TEKTL1: variants seen among roughly 807,000 people sequenced by gnomAD.
TEKTL1 encodes the protein tektin like 1.
chr19:15,012,636 G>C, the TEKTL1 span, among the ~76,000 whole-genome samples: 2 of 151,932 alleles, frequency 1.3e-5, no homozygotes, highest in African/African-American at 4.8e-5. Flanking sequence ...AGTGAGCCCT[G>C]CCCAAGGAGA....
At chr19:15,020,679 G>T in the TEKTL1 span, 4 of 1,590,708 alleles carry the variant, frequency 2.5e-6, no homozygotes, top group African/African-American at 4.0e-5. Context: ...CACTGTACTG[G>T]GTCGTATTGG....
chr19:15,017,519 G>A, the TEKTL1 span, among the ~76,000 whole-genome samples: 5 of 152,090 alleles, frequency 3.3e-5, no homozygotes, highest in African/African-American at 9.7e-5. Context: ...TGGTGGGAGG[G>A]GGGAACTCAG....
chr19:15,017,715 G>T, the TEKTL1 span, among the ~76,000 whole-genome samples: 3 of 152,084 alleles, frequency 2.0e-5, no homozygotes, highest in Non-Finnish European at 4.4e-5. Context: ...TTTTCTCAGG[G>T]TGCCAGAACA....
At chr19:15,011,757 T>C in the TEKTL1 span, among the ~76,000 whole-genome samples, 60 of 148,730 alleles carry the variant, frequency 4.0e-4, no homozygotes, top group African/African-American at 1.4e-3. Context: ...AAAAAATATT[T>C]CCATAGAGAG....
the TEKTL1 span, among the ~76,000 whole-genome samples, chr19:15,021,054 A>T: frequency 6.6e-6 from 1 of 151,620 alleles, no homozygotes; most frequent in Non-Finnish European, 1.5e-5. Context: ...TAATTTTTGT[A>T]TTTTTAGTAG....
the TEKTL1 span, among the ~76,000 whole-genome samples, chr19:15,018,896 T>C: frequency 6.6e-6 from 1 of 151,154 alleles, no homozygotes; most frequent in Non-Finnish European, 1.5e-5. Context: ...CACCACCAAC[T>C]CATCCATGTG....
chr19:15,013,647 G>A, the TEKTL1 span: 1 of 1,551,382 alleles, frequency 6.4e-7, no homozygotes, highest in Non-Finnish European at 8.9e-7. Context: ...TTAACGATGT[G>A]AGGGATTCTC....
chr19:15,018,733 A>ATATATATATATATATATATATATATCT, the TEKTL1 span, among the ~76,000 whole-genome samples: 1 of 39,116 alleles, frequency 2.6e-5, no homozygotes, highest in African/African-American at 8.2e-5. Flanking sequence ...TATATATATA[A>ATATATATATATATATATATATATATCT]CTTCCCTGGA....
At chr19:15,020,081 G>A in the TEKTL1 span, among the ~76,000 whole-genome samples, 2 of 151,344 alleles carry the variant, frequency 1.3e-5, no homozygotes, top group East Asian at 3.9e-4. Flanking sequence ...GTCAAAGGAG[G>A]AGGATAGCTT....
At chr19:15,011,142 A>ACGCCCGCCTGCCG in the TEKTL1 span, 6 of 1,518,358 alleles carry the variant, frequency 4.0e-6, no homozygotes, top group Non-Finnish European at 5.3e-6. Context: ...CCCGCCTGGT[A>ACGCCCGCCTGCCG]CGCCCGCCTG....
chr19:15,017,679 A>G, the TEKTL1 span, among the ~76,000 whole-genome samples: 6 of 152,260 alleles, frequency 3.9e-5, no homozygotes, highest in African/African-American at 1.4e-4. Flanking sequence ...TCCATGTTAC[A>G]GTGGGGAAAT....
the TEKTL1 span, chr19:15,022,724 T>TTG: frequency 2.6e-6 from 2 of 783,482 alleles, 1 homozygote; most frequent in Non-Finnish European, 3.8e-6. Context: ...CTGTCGCGGT[T>TTG]TTTTTTTTTT....
At chr19:15,011,323 C>A in the TEKTL1 span, 11 of 1,515,588 alleles carry the variant, frequency 7.3e-6, no homozygotes, top group South Asian at 1.3e-5. Context: ...ACAGGCTCAG[C>A]GAAGTGCGCA....
At chr19:15,021,831 A>G in the TEKTL1 span, 2 of 1,614,096 alleles carry the variant, frequency 1.2e-6, no homozygotes. Flanking sequence ...GTTCACCTGG[A>G]GACCGCAGAA....
the TEKTL1 span, chr19:15,021,380 A>G: frequency 1.2e-6 from 2 of 1,614,230 alleles, no homozygotes; most frequent in East Asian, 4.5e-5. Context: ...AACGAAGCCA[A>G]GCGGTTGTTG....
the TEKTL1 span, among the ~76,000 whole-genome samples, chr19:15,014,113 A>G: frequency 1.3e-5 from 2 of 152,228 alleles, no homozygotes; most frequent in African/African-American, 4.8e-5. Context: ...AAGCAAAGCC[A>G]TCAGTGAAAG....
At chr19:15,011,131 G>A in the TEKTL1 span, 2 of 1,529,802 alleles carry the variant, frequency 1.3e-6, no homozygotes, top group South Asian at 1.2e-5. Flanking sequence ...AGATGAAGCC[G>A]CCCGCCTGGT....
At chr19:15,020,725 C>T in the TEKTL1 span, 21 of 1,386,626 alleles carry the variant, frequency 1.5e-5, no homozygotes, top group African/African-American at 2.0e-4. Flanking sequence ...CAGTGCAGCC[C>T]GTCGCCCACT....
the TEKTL1 span, among the ~76,000 whole-genome samples, chr19:15,020,961 C>A: frequency 6.6e-6 from 1 of 151,638 alleles, no homozygotes; most frequent in Non-Finnish European, 1.5e-5. Context: ...CTCACTGCAA[C>A]CTCCGCCTCC....
Sources: allele counts gnomAD v4.1 joint callset (sites outside exome capture counted in the v4.1 genomes callset), GRCh38; gene constraint gnomAD v4.1.1; transcripts MANE v1.5; gene names NCBI Gene and HGNC (gene_info 2026-07-23, HGNC 2026-07-21).